The following UBE2O variants were observed in gnomAD, a reference collection of about 807,000 sequenced individuals.
UBE2O encodes the protein (E3-independent) E2 ubiquitin-conjugating enzyme.
UBE2O carries 15 observed loss-of-function variants against 125.8 expected under a neutral mutation model. That is an observed-to-expected ratio of 0.12 (90% CI 0.08 to 0.18). UBE2O has a LOEUF of 0.18. Among genes scored for constraint, UBE2O ranks in the 10% least tolerant of loss-of-function variants. The pLI, the probability that UBE2O is intolerant of heterozygous loss-of-function variation, is 1.00. For missense variants in UBE2O, 1,280 were observed against 1,723.6 expected, an observed-to-expected ratio of 0.74 and a Z score of 4.56; for synonymous variants, 708 against 703.2, an observed-to-expected ratio of 1.01 and a Z score of -0.11.
chr17:76,445,806 C>A (rs1033343289), intron 1 of UBE2O, among the ~76,000 whole-genome samples: 4 of 152,218 alleles, frequency 2.6e-5, no homozygotes, highest in Non-Finnish European at 5.9e-5. Context: ...GCTATAACTG[C>A]ACACATCAAG....
rs1218466967 is a variant in UBE2O, at chr17:76,395,875, G to T, written c.2810-14C>A. On this transcript the variant is annotated splice_polypyrimidine_tract_variant and intron_variant, in intron 14 of 17. Transcript: ENST00000319380. This position sits in a 1 kb window ranked among gnomAD's most constrained non-coding sequence, Gnocchi z 5.0. ...AAGAATGATTTGCTAGAGGGGGGAA[G>T]AGAATAGTCAGTCCCTCATGGAGAG... 1 of 1,614,042 alleles carries T rather than the reference G, an allele frequency of 6.2e-7. No individual in the cohort carries two copies. The highest frequency in any genetic ancestry group is 1.3e-5 in the African/African-American group (1 of 75,066).
At chr17:76,448,947 G>C (rs1179511341) in intron 1 of UBE2O, among the ~76,000 whole-genome samples, 1 of 152,264 alleles carries the variant, frequency 6.6e-6, no homozygotes, top group Non-Finnish European at 1.5e-5. Flanking sequence ...CAGGTCAGAA[G>C]ACTGGAGAAA....
chr17:76,405,546 C>A lies in UBE2O; in HGVS notation c.444G>T (p.Val148=). The part of the protein sequence containing the change: ...TKLKLEDRSV[V]PRDVVRHMRS... The stretch of plus-strand genomic sequence containing the variant: ...GCATGTGCCGGACCACATCTCGGGG[C>A]ACCACAGAACGGTCCTCTAGTTTCA... Residue 148 remains valine, a synonymous_variant, in exon 2 of 18, where the codon GTG becomes GTT. Transcript: ENST00000319380. This position sits in a 1 kb window ranked among gnomAD's most constrained non-coding sequence, Gnocchi z 6.1. The A allele has an allele frequency of 6.3e-7, 1 of 1,598,412 alleles. No individual in the cohort carries two copies. Among genetic ancestry groups the A allele is most frequent in the South Asian group, 1.1e-5 (1 of 87,660 alleles).
chr17:76,428,544 T>C (rs1298623184), intron 1 of UBE2O, among the ~76,000 whole-genome samples: 1 of 152,224 alleles, frequency 6.6e-6, no homozygotes, highest in Non-Finnish European at 1.5e-5. Flanking sequence ...ATTTGCCATG[T>C]GCTTTAAGGC....
At chr17:76,438,428 T>G (rs1293023965) in intron 1 of UBE2O, among the ~76,000 whole-genome samples, 1 of 152,086 alleles carries the variant, frequency 6.6e-6, no homozygotes, top group East Asian at 1.9e-4. Flanking sequence ...CACACTAATG[T>G]CCCTACTCCT....
chr17:76,440,197 A>G (rs1249290302), intron 1 of UBE2O, among the ~76,000 whole-genome samples: 2 of 152,214 alleles, frequency 1.3e-5, no homozygotes, highest in Non-Finnish European at 2.9e-5. Flanking sequence ...AGTGCTACCC[A>G]ATCCAGTAGC....
intron 1 of UBE2O, among the ~76,000 whole-genome samples, chr17:76,426,227 C>T (rs528435498): frequency 6.6e-5 from 10 of 152,158 alleles, no homozygotes; most frequent in South Asian, 2.1e-4. Context: ...TGGTCTCGAA[C>T]GGGGCTCAAG....
Position 76,392,126 on chromosome 17 carries a change from G to A in UBE2O, c.2947-13C>T. On this transcript the variant is annotated splice_polypyrimidine_tract_variant and intron_variant, in intron 15 of 17. Coordinates refer to ENST00000319380, the MANE Select transcript of UBE2O (RefSeq NM_022066.4). ...CTGAGAAGAGGTCCTAGGTAGGGAG[G>A]GAGGGAGGGAGGCCAAGGTTGGCAG... The A allele has an allele frequency of 7.1e-7, 1 of 1,412,580 alleles. No individual in the cohort carries two copies. Among genetic ancestry groups the A allele is most frequent in the Non-Finnish European group, 9.5e-7 (1 of 1,054,234 alleles). 87.5% of individuals were successfully genotyped at this position (1,412,580 alleles called of 1,614,324 possible). A position where few individuals can be genotyped will look rare whatever the true frequency, so the allele number is the denominator to read the frequency against.
At chr17:76,416,392 G>A (rs1567843616) in intron 1 of UBE2O, among the ~76,000 whole-genome samples, 1 of 152,070 alleles carries the variant, frequency 6.6e-6, no homozygotes, top group Admixed American at 6.5e-5. Flanking sequence ...AAATGATTCT[G>A]ATGCACACCC....
At chr17:76,440,003 T>C (rs537618284) in intron 1 of UBE2O, among the ~76,000 whole-genome samples, 1 of 152,324 alleles carries the variant, frequency 6.6e-6, no homozygotes. Context: ...AGCACCTACT[T>C]TGGGCCAGTC....
At chr17:76,406,692 G>GTTTTTTTTTT (rs66834782) in intron 1 of UBE2O, among the ~76,000 whole-genome samples, 2 of 70,916 alleles carry the variant, frequency 2.8e-5, no homozygotes, top group Non-Finnish European at 5.0e-5. Flanking sequence ...AGCCCAAGTT[G>GTTTTTTTTTT]TTTTTTTTTT....
intron 1 of UBE2O, among the ~76,000 whole-genome samples, chr17:76,421,745 T>TG (rs1419683450): frequency 6.6e-6 from 1 of 152,220 alleles, no homozygotes; most frequent in Admixed American, 6.5e-5. Context: ...ACTGATGCCT[T>TG]GGGACTGCTG....
chr17:76,397,812 A>T lies in UBE2O; in HGVS notation c.2102T>A (p.Ile701Asn). 6.2e-7 allele frequency: 1 copy of T among 1,614,158 alleles called. No homozygotes were observed. ...CCAGAGCCTCACCTGGGGCAGGATGATGGTCTTTGAGTTGTCAGCCCACAC... is the reference window on the plus strand; with the variant it reads ...CCAGAGCCTCACCTGGGGCAGGATGTTGGTCTTTGAGTTGTCAGCCCACAC... The part of the protein sequence containing the change: ...EVVWADNSKT[I>N]ILPQHLYNIE... The change falls in exon 13 of 18, where the codon ATC becomes AAC. Residue 701 changes from isoleucine (I) to asparagine (N), a missense_variant. By Grantham distance (149) the Ile-to-Asn change is moderately radical. This residue lies in a region of UBE2O where 210 missense variants were observed against 268.9 expected (regional missense o/e 0.78). Transcript: ENST00000319380.
chr17:76,415,706 G>A (rs381774), intron 1 of UBE2O, among the ~76,000 whole-genome samples: 9,651 of 152,080 alleles, frequency 0.063, 381 homozygotes, highest in South Asian at 0.12. Flanking sequence ...TTAGGAGGCC[G>A]AGGTAGGAGA....
intron 1 of UBE2O, among the ~76,000 whole-genome samples, chr17:76,416,064 T>C (rs1332686435): frequency 6.6e-6 from 1 of 151,890 alleles, no homozygotes; most frequent in East Asian, 1.9e-4. Flanking sequence ...CATACACGTA[T>C]ATACGTATGT....
At chr17:76,417,494 A>G (rs1391799844) in intron 1 of UBE2O, among the ~76,000 whole-genome samples, 1 of 152,252 alleles carries the variant, frequency 6.6e-6, no homozygotes, top group African/African-American at 2.4e-5. Flanking sequence ...AACCAACAGG[A>G]AATCTTAGAG....
rs1241052072 is a variant in UBE2O at position 76,400,826 on chromosome 17, C to T, written c.894+185G>A. Reference sequence around the variant, plus strand: ...CTGTACAGGCTGGGCTGGGGCACATCTGTCTTTTGGTCACTATGACCAGAG... The same window carrying T: ...CTGTACAGGCTGGGCTGGGGCACATTTGTCTTTTGGTCACTATGACCAGAG... On this transcript the variant is annotated intron_variant, in intron 6 of 17. Transcript: ENST00000319380. This position sits in a 1 kb window ranked among gnomAD's most constrained non-coding sequence, Gnocchi z 4.3. 6.6e-6 allele frequency among the ~76,000 whole-genome samples: 1 copy of T among 152,226 alleles called. No individual in the cohort carries two copies.
In UBE2O at chr17:76,423,896, C is replaced by CTTTTTTTT. The variant is rs746126675; in HGVS notation, c.418-18332_418-18325dup. ...CTCTCAGCTACTTCCAGGTTGGGTTCTTTTTTTTTTTTTTTTTTTTTTTGA... is the reference window on the plus strand; with the variant it reads ...CTCTCAGCTACTTCCAGGTTGGGTTCTTTTTTTTTTTTTTTTTTTTTTTTTTTTTTTGA... On this transcript the variant is annotated intron_variant, in intron 1 of 17. Coordinates refer to ENST00000319380, the MANE Select transcript of UBE2O (RefSeq NM_022066.4). Among the ~76,000 whole-genome samples the CTTTTTTTT allele has an allele frequency of 6.3e-4, 53 of 83,506 alleles. 1 individual carries two copies. Among genetic ancestry groups the CTTTTTTTT allele is most frequent in the African/African-American group, 1.9e-3 (40 of 20,702 alleles). The allele number at this position is 83,506 out of a possible 152,430, so 54.8% of individuals were successfully genotyped here.
At position 76,399,032 on chromosome 17, in the gene UBE2O, C is replaced by T; in HGVS notation, c.1629-41G>A. 6.2e-6 allele frequency: 10 copies of T among 1,604,346 alleles called. No homozygotes were observed. Among genetic ancestry groups the T allele is most frequent in the Non-Finnish European group, 8.5e-6 (10 of 1,175,908 alleles). On this transcript the variant is annotated intron_variant, in intron 9 of 17. Transcript: ENST00000319380. This position sits in a 1 kb window ranked among gnomAD's most constrained non-coding sequence, Gnocchi z 6.9. The stretch of plus-strand genomic sequence containing the variant: ...AGTCAGCAGGCCATGCAAACCCCAC[C>T]CCCTCCGCGGAAAGGGCAGAGAGTC...
Sources: gnomAD v4.1 joint callset for allele counts (sites outside exome capture counted in the v4.1 genomes callset) on GRCh38, gnomAD v4.1.1 for gene constraint, gnomAD v4.1.1 regional missense constraint, Gnocchi (gnomAD v3.1) non-coding constraint, MANE v1.5 for transcripts, NCBI Gene and HGNC (gene_info 2026-07-23, HGNC 2026-07-21) for gene names.